The following KLF7 variants were observed in gnomAD, a reference collection of about 807,000 sequenced individuals.
KLF7 encodes KLF transcription factor 7.
Under a neutral mutation model 27.3 loss-of-function variants are expected in KLF7, and 2 were observed. The ratio of observed to expected loss-of-function variants is 0.07; its 90% confidence interval spans 0.03 to 0.23. KLF7 has a LOEUF of 0.23. KLF7 is among the 10% of genes least tolerant of loss of function. The pLI, the probability that KLF7 is intolerant of heterozygous loss-of-function variation, is 1.00. For missense variants in KLF7, 221 were observed against 394.1 expected (o/e 0.56, Z 3.72); for synonymous variants, 165 against 162.4 (o/e 1.02, Z -0.12).
At chr2:207,105,942 T>C (rs1331511979) in intron 2 of KLF7, among the ~76,000 whole-genome samples, 1 of 152,150 alleles carries the variant, frequency 6.6e-6, no homozygotes, top group African/African-American at 2.4e-5. Flanking sequence ...GGCTTTCCAA[T>C]AGAAGAAAGA....
intron 3 of KLF7, among the ~76,000 whole-genome samples, chr2:207,082,387 G>A (rs75361694): frequency 0.039 from 5,961 of 152,248 alleles, 199 homozygotes; most frequent in Non-Finnish European, 0.055. Flanking sequence ...CAGAGAAAAA[G>A]GGGTTCTGGG....
chr2:207,100,557 C>T (rs1171897782), intron 2 of KLF7, among the ~76,000 whole-genome samples: 1 of 152,124 alleles, frequency 6.6e-6, no homozygotes, highest in Non-Finnish European at 1.5e-5. Context: ...TCACTTCTTA[C>T]ATAACCCTCT....
Position 207,080,847 on chromosome 2 carries a change from C to A in KLF7, c.*366G>T. 1 of 414,564 alleles carries A rather than the reference C, an allele frequency of 2.4e-6. No homozygotes were observed. The highest frequency in any genetic ancestry group is 3.4e-5 in the East Asian group (1 of 29,034). 25.7% of individuals were successfully genotyped at this position (414,564 alleles called of 1,614,324 possible). On this transcript the variant is annotated 3_prime_UTR_variant, in exon 4 of 4. Coordinates refer to ENST00000309446, the MANE Select transcript of KLF7 (RefSeq NM_003709.4). ...GACTGCCGTCCACCTGCACAGACGT[C>A]ACATCCATTTTCTTTGATTTCCATT...
At chr2:207,145,627 T>C (rs187590461) in intron 1 of KLF7, among the ~76,000 whole-genome samples, 53 of 152,356 alleles carry the variant, frequency 3.5e-4, no homozygotes, top group Middle Eastern at 6.8e-3. Context: ...GAAATATTCC[T>C]TCATTATGTC....
intron 1 of KLF7, among the ~76,000 whole-genome samples, chr2:207,151,283 T>C (rs749608332): frequency 1.1e-4 from 17 of 152,046 alleles, no homozygotes; most frequent in Non-Finnish European, 2.4e-4. Context: ...TGTTAACATG[T>C]GAATATGTTT....
chr2:207,082,795 T>A (rs757312708), intron 3 of KLF7, among the ~76,000 whole-genome samples: 2 of 152,208 alleles, frequency 1.3e-5, no homozygotes, highest in Non-Finnish European at 2.9e-5. Context: ...CAGGGTTTCC[T>A]GTTCAGGGCA....
chr2:207,093,444 G>A (rs1318389982), intron 2 of KLF7, among the ~76,000 whole-genome samples: 2 of 151,866 alleles, frequency 1.3e-5, no homozygotes, highest in Non-Finnish European at 1.5e-5. Context: ...CTGGCTCCTC[G>A]CTCTGCCTGG....
intron 1 of KLF7, among the ~76,000 whole-genome samples, chr2:207,126,730 G>C (rs6755931): frequency 0.012 from 1,769 of 151,720 alleles, 34 homozygotes; most frequent in African/African-American, 0.041. Context: ...TTAAGCCCGG[G>C]AGTTCAAGGT....
chr2:207,149,331 T>G (rs1260369337), intron 1 of KLF7: 1 of 344,912 alleles, frequency 2.9e-6, no homozygotes, highest in African/African-American at 2.2e-5. Flanking sequence ...ACTGCTGAGG[T>G]TCAGCAGGGG....
intron 2 of KLF7, among the ~76,000 whole-genome samples, chr2:207,106,774 A>G (rs1455980522): frequency 6.6e-6 from 1 of 152,174 alleles, no homozygotes; most frequent in Non-Finnish European, 1.5e-5. Flanking sequence ...AAATGATGGT[A>G]ATGGATGCTA....
At chr2:207,167,531 A>G (rs535659166), upstream of KLF7, among the ~76,000 whole-genome samples, 3 of 152,352 alleles carry the variant, frequency 2.0e-5, no homozygotes, top group African/African-American at 2.4e-5. Context: ...GCACAGATTG[A>G]AATTCAGTAT....
upstream of KLF7, chr2:207,166,893 C>T (rs1016790399): frequency 2.4e-5 from 26 of 1,070,204 alleles, no homozygotes; most frequent in African/African-American, 3.8e-4. Flanking sequence ...AGACCGCGGC[C>T]TGCGCCCGCC....
In KLF7 at chr2:207,075,660, A is replaced by T. The variant is rs995318055; in HGVS notation, c.*5553T>A. 5 of 151,936 alleles carry T rather than the reference A, an allele frequency of 3.3e-5. No homozygotes were observed. Among genetic ancestry groups the T allele is most frequent in the Non-Finnish European group, 5.9e-5 (4 of 67,992 alleles). The allele number at this position is 151,936 out of a possible 1,614,324, so 9.4% of individuals were successfully genotyped here. ...GTTGTGTGGGAGTAGGAAGTGGGAG[A>T]AGGAGCTTGACGCGGGGGCGGGTGG... is the stretch of plus-strand genomic sequence containing the variant. On this transcript the variant is annotated 3_prime_UTR_variant, in exon 4 of 4. Transcript: ENST00000309446.
chr2:207,169,527 A>T (rs2078771996), upstream of KLF7, among the ~76,000 whole-genome samples: 1 of 152,222 alleles, frequency 6.6e-6, no homozygotes, highest in Non-Finnish European at 1.5e-5. Flanking sequence ...AATGTTATTA[A>T]AATACATTCA....
At chr2:207,144,761 A>T (rs1165253881) in intron 1 of KLF7, among the ~76,000 whole-genome samples, 2 of 152,128 alleles carry the variant, frequency 1.3e-5, no homozygotes, top group African/African-American at 2.4e-5. Flanking sequence ...TTAGTCCCCA[A>T]ATCCTTCCTC....
chr2:207,147,047 T>C (rs2078116159), intron 1 of KLF7, among the ~76,000 whole-genome samples: 1 of 152,226 alleles, frequency 6.6e-6, no homozygotes, highest in Non-Finnish European at 1.5e-5. Context: ...GTTTCATTAA[T>C]AATAAAGCTG....
At chr2:207,095,594 C>T (rs186040039) in intron 2 of KLF7, among the ~76,000 whole-genome samples, 1 of 152,316 alleles carries the variant, frequency 6.6e-6, no homozygotes, top group East Asian at 1.9e-4. Flanking sequence ...GCAACGAGCG[C>T]TTGAAATGTT....
At chr2:207,116,314 A>C (rs2077185449) in intron 2 of KLF7, among the ~76,000 whole-genome samples, 3 of 152,224 alleles carry the variant, frequency 2.0e-5, no homozygotes, top group African/African-American at 7.2e-5. Context: ...ATATTTTTCA[A>C]AGAAAGACAG....
intron 2 of KLF7, among the ~76,000 whole-genome samples, chr2:207,092,681 T>G (rs767458590): frequency 1.3e-5 from 2 of 152,210 alleles, no homozygotes; most frequent in Non-Finnish European, 2.9e-5. Context: ...TTTTGTTAGT[T>G]TCTTACAGGG....
Sources: allele counts gnomAD v4.1 joint callset (sites outside exome capture counted in the v4.1 genomes callset), GRCh38; gene constraint gnomAD v4.1.1; transcripts MANE v1.5; gene names NCBI Gene and HGNC (gene_info 2026-07-23, HGNC 2026-07-21).